The following RGS3 variants were observed in gnomAD, a reference collection of about 807,000 sequenced individuals.
RGS3 encodes the protein regulator of G protein signaling 3.
In RGS3, 80 loss-of-function variants were observed where a neutral mutation model predicts 132.6. That is an observed-to-expected ratio of 0.60 (90% CI 0.50 to 0.73). The LOEUF is 0.73. Ranked by LOEUF, RGS3 falls within the 30% of genes least tolerant of loss-of-function variation. The pLI, the probability that RGS3 is intolerant of heterozygous loss-of-function variation, is 0.00. For missense variants in RGS3, 1,382 were observed against 1,530.8 expected, an observed-to-expected ratio of 0.90 and a Z score of 1.62; for synonymous variants, 598 against 620.6, an observed-to-expected ratio of 0.96 and a Z score of 0.54.
At chr9:113,516,301 C>T (rs563723516) in intron 15 of RGS3, among the ~76,000 whole-genome samples, 9 of 152,208 alleles carry the variant, frequency 5.9e-5, no homozygotes, top group African/African-American at 2.2e-4. Context: ...GGTCTCTTCT[C>T]TTTCTTAGCA....
At chr9:113,589,170 C>T (rs1172045111) in intron 20 of RGS3, 5 of 152,202 alleles carry the variant, frequency 3.3e-5, no homozygotes, top group African/African-American at 7.2e-5. Context: ...AGGAGAATCC[C>T]TTTGGAGGGC....
At chr9:113,505,294 A>G in intron 10 of RGS3, 148 bp from the exon 9 acceptor site, 1 of 661,894 alleles carries the variant, frequency 1.5e-6, no homozygotes, top group East Asian at 2.7e-5. Context: ...AGATAGGGAC[A>G]CTGAGGGGCT....
chr9:113,451,343 A>G (rs912315109), intron 1 of RGS3, among the ~76,000 whole-genome samples: 6 of 152,110 alleles, frequency 3.9e-5, no homozygotes, highest in African/African-American at 1.4e-4. Context: ...AAGGTTTGGG[A>G]TCCCTGGATG....
intron 3 of RGS3, among the ~76,000 whole-genome samples, chr9:113,477,138 C>T (rs1000535463): frequency 1.3e-5 from 2 of 152,094 alleles, no homozygotes; most frequent in Non-Finnish European, 2.9e-5. Flanking sequence ...ATAATGATAC[C>T]GTCAGTTCTC....
intron 3 of RGS3, among the ~76,000 whole-genome samples, chr9:113,467,374 A>G (rs562060484): frequency 2.0e-4 from 30 of 152,300 alleles, no homozygotes; most frequent in African/African-American, 7.2e-4. Context: ...TGGTTTTTCC[A>G]CATTCCTTAC....
intron 19 of RGS3, among the ~76,000 whole-genome samples, chr9:113,547,046 A>G (rs1325423417): frequency 1.3e-5 from 2 of 152,194 alleles, no homozygotes; most frequent in Non-Finnish European, 2.9e-5. Flanking sequence ...AGGATAAAGT[A>G]GCTACTCCCC....
chr9:113,473,114 C>CTAA (rs1032851528), intron 3 of RGS3, among the ~76,000 whole-genome samples: 2 of 152,150 alleles, frequency 1.3e-5, no homozygotes, highest in African/African-American at 4.8e-5. Flanking sequence ...AAAGAAGGAA[C>CTAA]TAATAATACC....
chr9:113,578,136 G>A (rs1189799305), intron 19 of RGS3, among the ~76,000 whole-genome samples: 10 of 152,188 alleles, frequency 6.6e-5, no homozygotes, highest in Non-Finnish European at 5.9e-5. Context: ...CCAAGGGAGT[G>A]GACAGGACTG....
At position 113,540,365 on chromosome 9, in the gene RGS3, T is replaced by C. The variant is rs529156451; in HGVS notation, c.2037+3447T>C. ...ATGCCTTCTCAGTGCCAGATACTGGTTTAGATCCTTTGGGATCACAGAGAT... is the reference window on the plus strand; with the variant it reads ...ATGCCTTCTCAGTGCCAGATACTGGCTTAGATCCTTTGGGATCACAGAGAT... On this transcript the variant is annotated intron_variant, in intron 19 of 24. Transcript: ENST00000350696. Among the ~76,000 whole-genome samples the C allele has an allele frequency of 1.7e-4, 26 of 152,286 alleles. No individual in the cohort carries two copies. In the South Asian group the frequency reaches 4.8e-3, roughly 28 times the overall value.
At chr9:113,488,596 T>G (rs1026861014) in intron 7 of RGS3, among the ~76,000 whole-genome samples, 3 of 152,206 alleles carry the variant, frequency 2.0e-5, no homozygotes, top group Non-Finnish European at 4.4e-5. Flanking sequence ...GAGCCGGTCA[T>G]GCCCTTCATG....
At chr9:113,585,033 G>T (rs1835047915) in intron 20 of RGS3, among the ~76,000 whole-genome samples, 1 of 152,194 alleles carries the variant, frequency 6.6e-6, no homozygotes, top group Non-Finnish European at 1.5e-5. Context: ...CACACCGTTT[G>T]CCTCTCGTGA....
intron 19 of RGS3, among the ~76,000 whole-genome samples, chr9:113,540,398 ACCTGGTC>A (rs1832853724): frequency 6.6e-6 from 1 of 152,160 alleles, no homozygotes; most frequent in Admixed American, 6.5e-5. Flanking sequence ...GATGAATGAG[ACCTGGTC>A]CCTGTCGCTA....
intron 13 of RGS3, 82 bp from the exon 12 acceptor site, chr9:113,508,458 TG>T: frequency 2.6e-6 from 4 of 1,529,800 alleles, no homozygotes; most frequent in South Asian, 1.1e-5. Flanking sequence ...TCCTCTCCCC[TG>T]GGGCCCCCGT....
chr9:113,477,689 T>C (rs1300106799), intron 3 of RGS3, among the ~76,000 whole-genome samples: 1 of 152,020 alleles, frequency 6.6e-6, no homozygotes, highest in Admixed American at 6.5e-5. Flanking sequence ...ATCCGGGCAA[T>C]GAAAGTTACC....
chr9:113,517,662 G>A (rs778084984), intron 16 of RGS3, 38 bp downstream of exon 14: 3 of 1,541,998 alleles, frequency 1.9e-6, no homozygotes, highest in Non-Finnish European at 2.7e-6. Context: ...GGGCTTTCTG[G>A]GTGGGCTTCA....
intron 19 of RGS3, among the ~76,000 whole-genome samples, chr9:113,561,749 A>C (rs1293736804): frequency 2.0e-5 from 3 of 152,060 alleles, no homozygotes; most frequent in Non-Finnish European, 2.9e-5. Context: ...ATTGGTCTTC[A>C]CGCAATGGAA....
At chr9:113,466,530 T>C (rs568246787) in intron 3 of RGS3, among the ~76,000 whole-genome samples, 1 of 152,362 alleles carries the variant, frequency 6.6e-6, no homozygotes, top group African/African-American at 2.4e-5. Context: ...CACTGCGTTC[T>C]GAGGAGGTGG....
intron 19 of RGS3, among the ~76,000 whole-genome samples, chr9:113,561,928 C>T (rs1564571841): frequency 6.6e-6 from 1 of 152,174 alleles, no homozygotes; most frequent in Non-Finnish European, 1.5e-5. Flanking sequence ...AGGTGGGTCC[C>T]TGCTGAACCT....
At chr9:113,481,347 CAG>C (rs943706827) in intron 4 of RGS3, among the ~76,000 whole-genome samples, 2 of 152,168 alleles carry the variant, frequency 1.3e-5, no homozygotes, top group African/African-American at 4.8e-5. Context: ...CACTGCTGGC[CAG>C]AGAGACCCAG....
Sources: gnomAD v4.1 joint callset for allele counts (sites outside exome capture counted in the v4.1 genomes callset) on GRCh38, gnomAD v4.1.1 for gene constraint, MANE v1.5 for transcripts, NCBI Gene and HGNC (gene_info 2026-07-23, HGNC 2026-07-21) for gene names.